Variants in ALDH1L2 observed in about 807,000 individuals in gnomAD.
The protein encoded by ALDH1L2 is aldehyde dehydrogenase 1 family member L2, also known as mitochondrial 10-formyltetrahydrofolate dehydrogenase.
In ALDH1L2, 91 loss-of-function variants were observed where a neutral mutation model predicts 111.0. The ratio of observed to expected loss-of-function variants is 0.82; its 90% CI spans 0.69 to 0.98. ALDH1L2 has a LOEUF of 0.98. Ranked by LOEUF, ALDH1L2 falls within the 50% of genes least tolerant of loss-of-function variation. The pLI is 0.00. For missense variants in ALDH1L2, 995 were observed against 1,126.8 expected (o/e 0.88, Z 1.67); for synonymous variants, 374 against 392.6 (o/e 0.95, Z 0.56).
intron 9 of ALDH1L2, chr12:105,060,286 T>C (rs1876907751): frequency 6.6e-6 from 1 of 152,210 alleles, no homozygotes; most frequent in Non-Finnish European, 1.5e-5. Flanking sequence ...GATAATATTC[T>C]GGATCAGGCT....
In ALDH1L2 at chr12:105,034,396, G is replaced by T; in HGVS notation, c.2148C>A (p.Gly716=). The change falls in exon 19 of 23, where the codon GGC becomes GGA. Residue 716 remains glycine (G), a splice_region_variant and synonymous_variant. Transcript: ENST00000258494. The part of the protein sequence containing the change: ...DCELDKAVRM[G]MGAVFFNKGE... The stretch of plus-strand genomic sequence containing the variant: ...CTTTGTTGAAAAATACTGCTCCCAT[G>T]CCCTTCAGTGGGAGAAGAGAAAATA... The T allele has an allele frequency of 6.2e-6, 10 of 1,610,542 alleles. No homozygotes were observed. Among genetic ancestry groups the T allele is most frequent in the Non-Finnish European group, 8.5e-6 (10 of 1,178,746 alleles).
In ALDH1L2 at chr12:105,052,340, T is replaced by G. The variant is rs990398331; in HGVS notation, c.1408-123A>C. ...TTTTAAAAAAAGTTATGATAAGAAATGAGTATATCTAGTACTACAGTAAAG... is the reference window on the plus strand; with the variant it reads ...TTTTAAAAAAAGTTATGATAAGAAAGGAGTATATCTAGTACTACAGTAAAG... On this transcript the variant is annotated intron_variant, in intron 11 of 22. Transcript: ENST00000258494. The G allele has an allele frequency of 3.8e-5, 39 of 1,022,814 alleles. No individual in the cohort carries two copies. The African/African-American group carries it at 5.6e-4, about 15-fold the overall frequency. The allele number at this position is 1,022,814 out of a possible 1,614,324, so 63.4% of individuals were successfully genotyped here. A position where few individuals can be genotyped will look rare whatever the true frequency, so the allele number is the denominator to read the frequency against.
rs986445355 is a variant in ALDH1L2, at chr12:105,084,405, C to T, written c.32G>A (p.Arg11His). The change falls in exon 1 of 23, where the codon CGC (arginine) becomes CAC (histidine). Residue 11 changes from arginine (R) to histidine (H), a missense_variant. Coordinates refer to ENST00000258494, the MANE Select transcript of ALDH1L2 (RefSeq NM_001034173.4). The part of the protein sequence containing the change: MLRRGSQALR[R>H]FSTGRVYFKN... ...CGGACTCACCCGGCCAGTGGAGAAG[C>T]GCCGGAGCGCCTGGCTGCCCCGCCG... 1 of 1,496,630 alleles carries T rather than the reference C, an allele frequency of 6.7e-7. No individual in the cohort carries two copies. Among genetic ancestry groups the T allele is most frequent in the African/African-American group, 1.4e-5 (1 of 69,536 alleles). 92.7% of individuals were successfully genotyped at this position (1,496,630 alleles called of 1,614,324 possible). A position where few individuals can be genotyped will look rare whatever the true frequency, so the allele number is the denominator to read the frequency against.
rs893730940 is a variant in ALDH1L2 at position 105,058,138 on chromosome 12, A to G, written c.1222T>C (p.Phe408Leu). 2 of 1,613,788 alleles carry G rather than the reference A, an allele frequency of 1.2e-6. No homozygotes were observed. Among genetic ancestry groups the G allele is most frequent in the Non-Finnish European group, 1.7e-6 (2 of 1,179,916 alleles). The change falls in exon 10 of 23, where the codon TTT becomes CTT. Residue 408 changes from phenylalanine (F) to leucine (L), a missense_variant. Phe to Leu is a conservative substitution (Grantham distance 22). Coordinates refer to ENST00000258494, the MANE Select transcript of ALDH1L2 (RefSeq NM_001034173.4). Reference sequence around the variant, plus strand: ...AGTTTCCTCACGACCTTTTGGATAAAGCCTTCAAACTTGGTGGCCATATAG... The same window carrying G: ...AGTTTCCTCACGACCTTTTGGATAAGGCCTTCAAACTTGGTGGCCATATAG... ...DVYMATKFEG[F>L]IQKVVRKLRG...
intron 21 of ALDH1L2, 27 bp downstream of exon 21, chr12:105,030,297 A>G (rs754047957): frequency 6.9e-6 from 11 of 1,588,244 alleles, no homozygotes; most frequent in Non-Finnish European, 9.5e-6. Flanking sequence ...GTCAAAACCT[A>G]AGTTACATTG....
At chr12:105,073,257 G>A (rs1877844370) in intron 2 of ALDH1L2, among the ~76,000 whole-genome samples, 1 of 152,198 alleles carries the variant, frequency 6.6e-6, no homozygotes, top group Non-Finnish European at 1.5e-5. Context: ...CAGCTAGTAA[G>A]TGGCAGAATC....
rs368481838 is a variant in ALDH1L2 at position 105,058,065 on chromosome 12, A to G, written c.1287+8T>C. The G allele has an allele frequency of 5.6e-6, 9 of 1,609,454 alleles. No individual in the cohort carries two copies. In the African/African-American group the frequency reaches 8.0e-5, roughly 14 times the overall value. On this transcript the variant is annotated splice_region_variant and intron_variant, in intron 10 of 22. Transcript: ENST00000258494. ...GATTTAGGGTTGCAACATCAAGGAA[A>G]AGCTTACATAATCTACAACCAGCTC...
chr12:105,039,868 C>T lies in ALDH1L2; in HGVS notation c.1952-62G>A, dbSNP rs188372696. On this transcript the variant is annotated intron_variant, in intron 16 of 22. Transcript: ENST00000258494. ...ACTCAAGGCCGGGCGCGGTGGCTTA[C>T]GCCTGTAATCCCCGCACTTTGGGAG... 3.2e-4 allele frequency: 466 copies of T among 1,451,556 alleles called. No individual in the cohort carries two copies. In the African/African-American group the frequency reaches 5.5e-3, roughly 17 times the overall value. 89.9% of individuals were successfully genotyped at this position (1,451,556 alleles called of 1,614,324 possible). A position where few individuals can be genotyped will look rare whatever the true frequency, so the allele number is the denominator to read the frequency against.
At chr12:105,074,874 A>C in intron 1 of ALDH1L2, among the ~76,000 whole-genome samples, 1 of 152,340 alleles carries the variant, frequency 6.6e-6, no homozygotes, top group South Asian at 2.1e-4. Context: ...AATTAAAAAA[A>C]CATCCTAGGG....
At chr12:105,055,771 C>T (rs1876584137) in intron 10 of ALDH1L2, among the ~76,000 whole-genome samples, 1 of 151,826 alleles carries the variant, frequency 6.6e-6, no homozygotes, top group Non-Finnish European at 1.5e-5. Context: ...AATAAAAATG[C>T]TTAAGTTGAA....
At chr12:105,064,410 A>G (rs1048262727) in intron 6 of ALDH1L2, among the ~76,000 whole-genome samples, 5 of 152,084 alleles carry the variant, frequency 3.3e-5, no homozygotes, top group African/African-American at 1.2e-4. Context: ...AAATTTTCAT[A>G]GAAGCATTCT....
intron 20 of ALDH1L2, among the ~76,000 whole-genome samples, chr12:105,031,310 C>G (rs1565949331): frequency 6.6e-6 from 1 of 152,068 alleles, no homozygotes; most frequent in Non-Finnish European, 1.5e-5. Flanking sequence ...CTTCCTGTTC[C>G]TTCCTCCCTC....
At chr12:105,071,685 C>G (rs1299295768) in intron 2 of ALDH1L2, among the ~76,000 whole-genome samples, 1 of 84,452 alleles carries the variant, frequency 1.2e-5, no homozygotes, top group Non-Finnish European at 2.1e-5. Context: ...GAGACGGAGT[C>G]TCGCTCTTTC....
chr12:105,031,533 T>A (rs980129207), intron 20 of ALDH1L2, among the ~76,000 whole-genome samples: 1 of 152,178 alleles, frequency 6.6e-6, no homozygotes, highest in African/African-American at 2.4e-5. Context: ...CAAGTTGGAG[T>A]GCAGTGGCTT....
chr12:105,024,376 G>A lies in ALDH1L2; in HGVS notation c.*48C>T. 1 of 1,602,812 alleles carries A rather than the reference G, an allele frequency of 6.2e-7. No individual in the cohort carries two copies. Among genetic ancestry groups the A allele is most frequent in the Non-Finnish European group, 8.5e-7 (1 of 1,170,448 alleles). On this transcript the variant is annotated 3_prime_UTR_variant, in exon 23 of 23. Transcript: ENST00000258494. ...CACCCAATCTTCTTAAGTGTGTCCAGAGTTGTAAAGGGCTGTCTGTCAAGG... is the reference window on the plus strand; with the variant it reads ...CACCCAATCTTCTTAAGTGTGTCCAAAGTTGTAAAGGGCTGTCTGTCAAGG...
intron 10 of ALDH1L2, among the ~76,000 whole-genome samples, chr12:105,054,180 A>G (rs767337663): frequency 6.6e-6 from 1 of 152,184 alleles, no homozygotes; most frequent in African/African-American, 2.4e-5. Context: ...TGCTACTTGG[A>G]TTCAAACTTA....
intron 1 of ALDH1L2, among the ~76,000 whole-genome samples, chr12:105,081,959 C>T (rs1423555680): frequency 3.9e-5 from 6 of 152,104 alleles, no homozygotes; most frequent in Non-Finnish European, 2.9e-5. Context: ...TTTAGGAGGC[C>T]GAGGCAGGAG....
At chr12:105,045,031 A>G (rs1875758648) in intron 15 of ALDH1L2, among the ~76,000 whole-genome samples, 1 of 152,204 alleles carries the variant, frequency 6.6e-6, no homozygotes, top group Non-Finnish European at 1.5e-5. Flanking sequence ...TATAGGTACA[A>G]TACTGCACAG....
Position 105,031,733 on chromosome 12 carries a change from C to T in ALDH1L2, c.2410+36G>A, listed in dbSNP as rs78104738. ...CGCTGTCCATTCCAACTGAAGAAGG[C>T]GGGCACCCGGTAAACCCCCACAGAG... On this transcript the variant is annotated intron_variant, in intron 20 of 22. Coordinates refer to ENST00000258494, the MANE Select transcript of ALDH1L2 (RefSeq NM_001034173.4). 182 of 1,596,848 alleles carry T rather than the reference C, an allele frequency of 1.1e-4. No individual in the cohort carries two copies. The African/African-American group carries it at 2.0e-3, about 18-fold the overall frequency.
Sources: allele counts gnomAD v4.1 joint callset (sites outside exome capture counted in the v4.1 genomes callset), GRCh38; gene constraint gnomAD v4.1.1; transcripts MANE v1.5; gene names NCBI Gene and HGNC (gene_info 2026-07-23, HGNC 2026-07-21).